Variants in CGNL1 observed in about 807,000 individuals in gnomAD.
CGNL1 encodes cingulin-like protein 1.
A neutral mutation model predicts 141.2 loss-of-function variants in CGNL1; 132 were observed. The observed-to-expected ratio is 0.93, with a 90% CI of 0.81 to 1.08. CGNL1 has a LOEUF of 1.08. Ranked by LOEUF, CGNL1 falls within the 50% of genes least tolerant of loss-of-function variation. The probability of loss-of-function intolerance (pLI) is 0.00; values close to 1 mark genes in which losing one functional copy is unlikely to be tolerated. For synonymous variants in CGNL1, 690 were observed against 622.1 expected, an observed-to-expected ratio of 1.11 and a Z score of -1.63; for missense variants, 1,870 against 1,588.6, an observed-to-expected ratio of 1.18 and a Z score of -3.01.
chr15:57,491,165 A>G (rs1286991722), intron 8 of CGNL1, among the ~76,000 whole-genome samples: 2 of 152,232 alleles, frequency 1.3e-5, no homozygotes, highest in African/African-American at 4.8e-5. Context: ...TTCATTCATT[A>G]TGACACATGT....
chr15:57,521,177 T>A (rs2031230296), intron 10 of CGNL1, among the ~76,000 whole-genome samples: 1 of 152,156 alleles, frequency 6.6e-6, no homozygotes, highest in Admixed American at 6.5e-5. Flanking sequence ...CCATGTTTGC[T>A]TTTTTTCATG....
intron 1 of CGNL1, chr15:57,397,147 C>T (rs2062611810): frequency 6.6e-6 from 1 of 152,154 alleles, no homozygotes; most frequent in African/African-American, 2.4e-5. Context: ...AAAATAGAGT[C>T]ATGTGAAGAG....
At chr15:57,547,231 G>A (rs1713762427) in intron 18 of CGNL1, 124 bp from the exon 19 acceptor site, 2 of 1,048,908 alleles carry the variant, frequency 1.9e-6, no homozygotes, top group Non-Finnish European at 2.8e-6. Flanking sequence ...TTACATTCAT[G>A]TGTTTCTTTT....
At position 57,482,116 on chromosome 15, in the gene CGNL1, G is replaced by GT. The variant is rs138456825; in HGVS notation, c.2403+20234dup. ...TTCCTAATTGGATTGTTTGGGGTTT[G>GT]TTTTTTTTTTAAACTGTTGAGTTTT... On this transcript the variant is annotated intron_variant, in intron 8 of 18. Transcript: ENST00000281282. 1.7e-3 allele frequency among the ~76,000 whole-genome samples: 245 copies of GT among 148,122 alleles called. 1 individual carries two copies. The highest frequency in any genetic ancestry group is 5.4e-3 in the African/African-American group (218 of 40,322).
intron 1 of CGNL1, among the ~76,000 whole-genome samples, chr15:57,395,731 T>G (rs1595658263): frequency 6.6e-6 from 1 of 152,366 alleles, no homozygotes; most frequent in East Asian, 1.9e-4. Context: ...CTCATCACAT[T>G]CCCATGAAGT....
intron 16 of CGNL1, 137 bp from the exon 17 acceptor site, chr15:57,545,454 GA>G (rs1347794946): frequency 1.5e-6 from 1 of 652,566 alleles, no homozygotes; most frequent in Non-Finnish European, 2.6e-6. Flanking sequence ...TTTCTGCTGT[GA>G]AGTTGTGTTT....
intron 6 of CGNL1, 107 bp from the exon 7 acceptor site, chr15:57,453,576 C>T: frequency 7.0e-7 from 1 of 1,436,636 alleles, no homozygotes; most frequent in Admixed American, 2.1e-5. Context: ...GGGGAGGCTC[C>T]TTGGGGCTTT....
At chr15:57,417,885 A>G (rs1186771380) in intron 1 of CGNL1, among the ~76,000 whole-genome samples, 3 of 152,086 alleles carry the variant, frequency 2.0e-5, no homozygotes, top group Non-Finnish European at 4.4e-5. Context: ...TGGGTATTTG[A>G]TGGATCTCTG....
intron 8 of CGNL1, among the ~76,000 whole-genome samples, chr15:57,470,895 C>T (rs2063573437): frequency 6.6e-6 from 1 of 152,164 alleles, no homozygotes; most frequent in South Asian, 2.1e-4. Context: ...TGTGAGTTGA[C>T]ACCCTAAGTG....
chr15:57,387,303 TG>T (rs573219163), intron 1 of CGNL1, among the ~76,000 whole-genome samples: 130 of 152,350 alleles, frequency 8.5e-4, no homozygotes, highest in African/African-American at 3.0e-3. Flanking sequence ...GTGTCTTTTT[TG>T]CAGAGCACCC....
chr15:57,502,646 A>C (rs563566259), intron 8 of CGNL1, among the ~76,000 whole-genome samples: 40 of 152,330 alleles, frequency 2.6e-4, no homozygotes, highest in African/African-American at 9.4e-4. Context: ...TAGAGACCTC[A>C]GACCAGTGTG....
At chr15:57,448,356 TA>T (rs201732295) in intron 4 of CGNL1, among the ~76,000 whole-genome samples, 18 of 149,426 alleles carry the variant, frequency 1.2e-4, no homozygotes, top group African/African-American at 3.4e-4. Flanking sequence ...GGAACTTGAT[TA>T]AAAAAAAAGG....
intron 13 of CGNL1, among the ~76,000 whole-genome samples, chr15:57,530,115 A>C (rs2031867360): frequency 6.6e-6 from 1 of 152,236 alleles, no homozygotes; most frequent in African/African-American, 2.4e-5. Context: ...CTTTGGAGTA[A>C]TGGCCCTGGC....
chr15:57,421,795 G>A (rs1182063522), intron 1 of CGNL1, among the ~76,000 whole-genome samples: 1 of 151,774 alleles, frequency 6.6e-6, no homozygotes, highest in Non-Finnish European at 1.5e-5. Context: ...AGAGTGTCAG[G>A]GGTCGTGTGC....
chr15:57,544,361 C>CA, intron 15 of CGNL1, 112 bp from the exon 16 acceptor site: 1 of 1,334,878 alleles, frequency 7.5e-7, no homozygotes, highest in Non-Finnish European at 1.0e-6. Context: ...GTGTGGAAAG[C>CA]AGCCTCATCG....
At chr15:57,437,748 G>T (rs1325276936) in intron 1 of CGNL1, among the ~76,000 whole-genome samples, 4 of 152,052 alleles carry the variant, frequency 2.6e-5, no homozygotes, top group Non-Finnish European at 4.4e-5. Flanking sequence ...CTCAGGCCAG[G>T]GTTCAAACCC....
At chr15:57,434,311 T>C (rs2063079276) in intron 1 of CGNL1, among the ~76,000 whole-genome samples, 1 of 151,944 alleles carries the variant, frequency 6.6e-6, no homozygotes, top group African/African-American at 2.4e-5. Flanking sequence ...CTCTGAAAAG[T>C]AGAGTAAAAA....
chr15:57,422,474 C>A (rs2062926963), intron 1 of CGNL1, among the ~76,000 whole-genome samples: 1 of 152,174 alleles, frequency 6.6e-6, no homozygotes, highest in Admixed American at 6.5e-5. Flanking sequence ...CATTTAAATA[C>A]TCTTCTCTTT....
rs1324922651 is a variant in CGNL1 at position 57,518,330 on chromosome 15, T to C, written c.2611-63T>C. On this transcript the variant is annotated intron_variant, in intron 9 of 18. Transcript: ENST00000281282. ...TGTCTTCGGTGTTCATTTAATTCCATTGAGTCAGTTTCATAGGTACAGCAC... is the reference window on the plus strand; with the variant it reads ...TGTCTTCGGTGTTCATTTAATTCCACTGAGTCAGTTTCATAGGTACAGCAC... 4.6e-5 allele frequency: 56 copies of C among 1,215,200 alleles called. No individual in the cohort carries two copies. The East Asian group carries it at 7.0e-4, about 15-fold the overall frequency. The allele number at this position is 1,215,200 out of a possible 1,614,324, so 75.3% of individuals were successfully genotyped here. A position where few individuals can be genotyped will look rare whatever the true frequency, so the allele number is the denominator to read the frequency against.
Sources: gnomAD v4.1 joint callset for allele counts (sites outside exome capture counted in the v4.1 genomes callset) on GRCh38, gnomAD v4.1.1 for gene constraint, MANE v1.5 for transcripts, NCBI Gene and HGNC (gene_info 2026-07-23, HGNC 2026-07-21) for gene names.